TMEM170B: variants seen among roughly 807,000 people sequenced by gnomAD.
TMEM170B encodes the protein transmembrane protein 170B.
Under a neutral mutation model 13.0 loss-of-function variants are expected in TMEM170B, and 6 were observed. The ratio of observed to expected loss-of-function variants is 0.46; its 90% CI spans 0.25 to 0.91. The LOEUF (loss-of-function observed/expected upper bound fraction) is 0.91, where lower values mean the gene tolerates loss of function less well. Ranked by LOEUF, TMEM170B falls within the 40% of genes least tolerant of loss-of-function variation. The pLI, the probability that TMEM170B is intolerant of heterozygous loss-of-function variation, is 0.17. For synonymous variants in TMEM170B, 61 were observed against 64.9 expected (o/e 0.94, Z 0.29); for missense variants, 138 against 165.2 (o/e 0.84, Z 0.90).
intron 1 of TMEM170B, 70 bp downstream of exon 1, chr6:11,538,444 G>A: frequency 8.3e-7 from 1 of 1,198,852 alleles, no homozygotes; most frequent in Non-Finnish European, 1.1e-6. Context: ...TTCCTCGGGA[G>A]GGGACACGCT....
chr6:11,563,702 C>T lies in TMEM170B; in HGVS notation c.98-1964C>T, dbSNP rs149275127. Among the ~76,000 whole-genome samples the T allele has an allele frequency of 7.8e-4, 119 of 152,266 alleles. 1 individual carries two copies. The East Asian group carries it at 0.02, about 26-fold the overall frequency. ...ACTTGAGGCCAGGTGTGGTGGTTCTCGCCTGTAATCCCAGCACTTTGGGAA... is the reference window on the plus strand; with the variant it reads ...ACTTGAGGCCAGGTGTGGTGGTTCTTGCCTGTAATCCCAGCACTTTGGGAA... On this transcript the variant is annotated intron_variant, in intron 1 of 2. Coordinates refer to ENST00000379426, the MANE Select transcript of TMEM170B (RefSeq NM_001100829.3).
intron 1 of TMEM170B, among the ~76,000 whole-genome samples, chr6:11,546,012 TAAAAAAAA>T (rs35584418): frequency 1.2e-3 from 112 of 95,544 alleles, no homozygotes; most frequent in Middle Eastern, 7.1e-3. Context: ...ACTCCGTCTT[TAAAAAAAA>T]AAAAAAAAAA....
chr6:11,544,895 A>T (rs980610963), intron 1 of TMEM170B, among the ~76,000 whole-genome samples: 1 of 152,084 alleles, frequency 6.6e-6, no homozygotes, highest in Non-Finnish European at 1.5e-5. Context: ...GAGAGTCAAT[A>T]TTGTATATAC....
intron 1 of TMEM170B, among the ~76,000 whole-genome samples, chr6:11,554,857 T>G (rs1759568942): frequency 6.6e-6 from 1 of 152,172 alleles, no homozygotes; most frequent in Admixed American, 6.5e-5. Flanking sequence ...TAGCTTTAAC[T>G]TATGTATTAA....
At chr6:11,548,467 C>T (rs557028660) in intron 1 of TMEM170B, among the ~76,000 whole-genome samples, 16 of 152,200 alleles carry the variant, frequency 1.1e-4, no homozygotes, top group Non-Finnish European at 2.1e-4. Flanking sequence ...AACACTTTTA[C>T]ACTGTTGGTG....
chr6:11,574,508 A>G (rs1274972752), intron 2 of TMEM170B, among the ~76,000 whole-genome samples: 1 of 152,108 alleles, frequency 6.6e-6, no homozygotes, highest in East Asian at 1.9e-4. Flanking sequence ...TTTTCAGATA[A>G]CTTCTCGTCT....
chr6:11,570,269 A>G (rs187773500), intron 2 of TMEM170B, among the ~76,000 whole-genome samples: 1 of 152,270 alleles, frequency 6.6e-6, no homozygotes. Context: ...GCTATTGTGC[A>G]TGGATATCTT....
At chr6:11,570,505 T>C (rs1007399906) in intron 2 of TMEM170B, among the ~76,000 whole-genome samples, 2 of 152,146 alleles carry the variant, frequency 1.3e-5, no homozygotes, top group Non-Finnish European at 2.9e-5. Flanking sequence ...TAAAATAGTT[T>C]TATGAACAGC....
chr6:11,568,643 A>G (rs1482445325), intron 2 of TMEM170B, among the ~76,000 whole-genome samples: 2 of 152,178 alleles, frequency 1.3e-5, no homozygotes, highest in African/African-American at 4.8e-5. Flanking sequence ...TCAAGTAAAA[A>G]TTTGTGTCCA....
At chr6:11,557,347 A>G (rs888092860) in intron 1 of TMEM170B, among the ~76,000 whole-genome samples, 1 of 152,220 alleles carries the variant, frequency 6.6e-6, no homozygotes, top group Non-Finnish European at 1.5e-5. Context: ...ATTCTACAAA[A>G]TCATGCATTT....
In TMEM170B at chr6:11,560,330, ATTTT is replaced by A. The variant is rs11292699; in HGVS notation, c.98-5323_98-5320del. On this transcript the variant is annotated intron_variant, in intron 1 of 2. Transcript: ENST00000379426. ...CAGGTGCCCGCCACCACGCCCAGCT[ATTTT>A]TTTTTTTTTTTTAATTTTTAGTAGA... Among the ~76,000 whole-genome samples the A allele has an allele frequency of 2.9e-5, 4 of 139,846 alleles. No homozygotes were observed. In the South Asian group the frequency reaches 9.3e-4, roughly 33 times the overall value. 91.7% of individuals were successfully genotyped at this position (139,846 alleles called of 152,430 possible).
intron 1 of TMEM170B, among the ~76,000 whole-genome samples, chr6:11,548,696 G>A (rs1384500108): frequency 2.0e-5 from 3 of 152,124 alleles, no homozygotes; most frequent in Admixed American, 6.5e-5. Context: ...ATGATAGACT[G>A]GATTAAGAAA....
At chr6:11,571,938 A>C (rs1053749583) in intron 2 of TMEM170B, among the ~76,000 whole-genome samples, 3 of 152,186 alleles carry the variant, frequency 2.0e-5, no homozygotes, top group Admixed American at 6.5e-5. Context: ...AGAGAAACTC[A>C]ATCACATTAA....
rs1005970000 is a variant in TMEM170B, at chr6:11,581,984, A to G, written c.*6423A>G. The G allele has an allele frequency of 6.6e-6, 1 of 152,138 alleles. No individual in the cohort carries two copies. The highest frequency in any genetic ancestry group is 2.4e-5 in the African/African-American group (1 of 41,440). 9.4% of individuals were successfully genotyped at this position (152,138 alleles called of 1,614,324 possible). On this transcript the variant is annotated 3_prime_UTR_variant, in exon 3 of 3. Coordinates refer to ENST00000379426, the MANE Select transcript of TMEM170B (RefSeq NM_001100829.3). ...TACAATGGAAGAATTTTTTTGAAAGATTTGGCCCTCTCACCAATACACACA... is the reference window on the plus strand; with the variant it reads ...TACAATGGAAGAATTTTTTTGAAAGGTTTGGCCCTCTCACCAATACACACA...
intron 1 of TMEM170B, among the ~76,000 whole-genome samples, chr6:11,542,245 C>T (rs1305283410): frequency 6.6e-6 from 1 of 152,134 alleles, no homozygotes; most frequent in Admixed American, 6.5e-5. Flanking sequence ...AGAAAGTTAG[C>T]TTTGGGAGCC....
At chr6:11,565,492 G>A (rs532572769) in intron 1 of TMEM170B, among the ~76,000 whole-genome samples, 174 bp from the exon 2 acceptor site, 7 of 152,192 alleles carry the variant, frequency 4.6e-5, no homozygotes, top group South Asian at 2.1e-4. Flanking sequence ...AGGCATCAGC[G>A]ATGATGATAA....
chr6:11,573,291 G>A (rs1759828590), intron 2 of TMEM170B, among the ~76,000 whole-genome samples: 3 of 152,226 alleles, frequency 2.0e-5, no homozygotes, highest in South Asian at 4.2e-4. Flanking sequence ...TTTGGGGAAT[G>A]GTGTGAAGCA....
At chr6:11,545,556 C>T (rs759119134) in intron 1 of TMEM170B, among the ~76,000 whole-genome samples, 9 of 151,854 alleles carry the variant, frequency 5.9e-5, no homozygotes, top group South Asian at 2.1e-4. Flanking sequence ...TAGCGCAACA[C>T]GTTACTCACG....
At chr6:11,543,482 C>CT (rs1759389454) in intron 1 of TMEM170B, among the ~76,000 whole-genome samples, 1 of 152,102 alleles carries the variant, frequency 6.6e-6, no homozygotes, top group Non-Finnish European at 1.5e-5. Flanking sequence ...TTTGTTTAAT[C>CT]TTTTAGGCAA....
Sources: gnomAD v4.1 joint callset for allele counts (sites outside exome capture counted in the v4.1 genomes callset) on GRCh38, gnomAD v4.1.1 for gene constraint, MANE v1.5 for transcripts, NCBI Gene and HGNC (gene_info 2026-07-23, HGNC 2026-07-21) for gene names.